The following LMNA variants were observed in gnomAD, a reference collection of about 807,000 sequenced individuals.
LMNA encodes the protein lamin A/C.
Under a neutral mutation model 70.4 loss-of-function variants are expected in LMNA, and 20 were observed. That is an observed-to-expected ratio of 0.28 (90% CI 0.20 to 0.41). The LOEUF (loss-of-function observed/expected upper bound fraction) is 0.41. Ranked by LOEUF, LMNA falls within the 10% of genes least tolerant of loss-of-function variation. LMNA has a pLI of 1.00. For missense variants in LMNA, 652 were observed against 917.2 expected, an observed-to-expected ratio of 0.71 and a Z score of 3.73; for synonymous variants, 339 against 372.8, an observed-to-expected ratio of 0.91 and a Z score of 1.04.
chr1:156,095,694 C>T (rs929539141), intron 3 of LMNA, among the ~76,000 whole-genome samples: 5 of 152,140 alleles, frequency 3.3e-5, no homozygotes, highest in Non-Finnish European at 4.4e-5. Flanking sequence ...TTGTACTAGG[C>T]CCTCTTCCAG....
intron 1 of LMNA, among the ~76,000 whole-genome samples, chr1:156,121,046 CTTTTTT>C (rs57371677): frequency 1.0e-5 from 1 of 100,404 alleles, no homozygotes; most frequent in African/African-American, 4.3e-5. Context: ...CAAATCCATT[CTTTTTT>C]TTTTTTTTTT....
At chr1:156,094,046 C>T (rs1479550263) in intron 3 of LMNA, among the ~76,000 whole-genome samples, 5 of 152,116 alleles carry the variant, frequency 3.3e-5, no homozygotes, top group African/African-American at 1.2e-4. Context: ...TGGGTTCCTC[C>T]ACTCTCCAGC....
chr1:156,121,046 C>CTTTTTTTTTTTTTTTTTTT (rs57371677), intron 1 of LMNA, among the ~76,000 whole-genome samples: 1 of 100,412 alleles, frequency 1.0e-5, no homozygotes. Flanking sequence ...CAAATCCATT[C>CTTTTTTTTTTTTTTTTTTT]TTTTTTTTTT....
At chr1:156,119,181 G>A (rs1407492699) in intron 1 of LMNA, among the ~76,000 whole-genome samples, 6 of 151,128 alleles carry the variant, frequency 4.0e-5, no homozygotes, top group Non-Finnish European at 8.8e-5. Flanking sequence ...GCAGTGGTGC[G>A]ATCTCGGCTC....
At chr1:156,114,324 C>G (rs897855140), upstream of LMNA, among the ~76,000 whole-genome samples, 20 of 152,260 alleles carry the variant, frequency 1.3e-4, no homozygotes, top group Admixed American at 9.8e-4. Context: ...GCCCTCCCCC[C>G]ACTTTCCTGG....
chr1:156,089,699 G>C (rs372300928), intron 2 of LMNA, among the ~76,000 whole-genome samples: 1 of 152,178 alleles, frequency 6.6e-6, no homozygotes, highest in South Asian at 2.1e-4. Context: ...TTGTGGATCT[G>C]ATCTCCAAGG....
At position 156,126,281 on chromosome 1, in the gene LMNA, C is replaced by T. The variant is rs1650569002; in HGVS notation, c.357-4336C>T. 4 of 1,289,352 alleles carry T rather than the reference C, an allele frequency of 3.1e-6. No individual in the cohort carries two copies. In the South Asian group the frequency reaches 4.3e-5, roughly 14 times the overall value. 79.9% of individuals were successfully genotyped at this position (1,289,352 alleles called of 1,614,324 possible). A position where few individuals can be genotyped will look rare whatever the true frequency, so the allele number is the denominator to read the frequency against. ...AGTCCCTGCAGGGCTGGGCCAGCTC[C>T]TCCACCTCCCCTTTGTCTTCCCCTC... On this transcript the variant is annotated intron_variant, in intron 1 of 11. Transcript: ENST00000368300.
intron 3 of LMNA, among the ~76,000 whole-genome samples, chr1:156,092,890 C>CTTTTTTTTT (rs568056544): frequency 7.4e-6 from 1 of 135,654 alleles, no homozygotes; most frequent in Admixed American, 7.5e-5. Flanking sequence ...TTCTTTTTTT[C>CTTTTTTTTT]TTTTTTTTTT....
At chr1:156,120,341 TGGAG>T (rs1317004821) in intron 1 of LMNA, among the ~76,000 whole-genome samples, 1 of 152,170 alleles carries the variant, frequency 6.6e-6, no homozygotes, top group African/African-American at 2.4e-5. Flanking sequence ...GGGGACAGGT[TGGAG>T]GGAGGATCTA....
rs1651763814 is a variant in LMNA, at chr1:156,137,522, A to T, written c.1609-132A>T. The T allele has an allele frequency of 5.5e-6, 5 of 902,126 alleles. No homozygotes were observed. The highest frequency in any genetic ancestry group is 4.0e-5 in the Admixed American group (2 of 50,166). The allele number at this position is 902,126 out of a possible 1,614,324, so 55.9% of individuals were successfully genotyped here. ...ATGAGTTCCTTAGCTCCATCACCAC[A>T]GAGGACAGAGTAAGCAGCAGGCCGG... On this transcript the variant is annotated intron_variant, in intron 9 of 11. Coordinates refer to ENST00000368300, the MANE Select transcript of LMNA (RefSeq NM_170707.4). This position sits in a 1 kb window ranked among gnomAD's most constrained non-coding sequence, Gnocchi z 4.6.
intron 1 of LMNA, among the ~76,000 whole-genome samples, chr1:156,120,386 G>C (rs1650103908): frequency 6.6e-6 from 1 of 152,220 alleles, no homozygotes; most frequent in Non-Finnish European, 1.5e-5. Context: ...TCAGGTAGCT[G>C]AGGCTCACTT....
intron 2 of LMNA, chr1:156,090,423 G>A (rs1470317007): frequency 6.6e-6 from 1 of 152,108 alleles, no homozygotes; most frequent in African/African-American, 2.4e-5. Flanking sequence ...GGGACTTGAC[G>A]TTTCCTGAGT....
In LMNA at chr1:156,096,515, C is replaced by T. The variant is rs115803224; in HGVS notation, c.-207+5933C>T. 5.0e-3 allele frequency among the ~76,000 whole-genome samples: 766 copies of T among 152,370 alleles called. 4 individuals are homozygous for T. The highest frequency in any genetic ancestry group is 0.018 in the African/African-American group (731 of 41,584). ...GGACTCAGCTTAATCATCCCTTCCT[C>T]AGGCAGGCCTGCCACACAACCGCAG... On this transcript the variant is annotated intron_variant, in intron 3 of 12. Coordinates refer to the LMNA transcript ENST00000368301.
chr1:156,106,936 C>T, intron 3 of LMNA: 1 of 152,124 alleles, frequency 6.6e-6, no homozygotes, highest in South Asian at 2.1e-4. Flanking sequence ...CCTGGGGAGA[C>T]TGTAGGATTT....
intron 2 of LMNA, among the ~76,000 whole-genome samples, chr1:156,131,443 A>G (rs1321194955): frequency 6.6e-6 from 1 of 151,988 alleles, no homozygotes; most frequent in Non-Finnish European, 1.5e-5. Flanking sequence ...TAAAGAAATT[A>G]GCTGGGCATG....
At chr1:156,089,421 G>A (rs1648606008) in intron 2 of LMNA, among the ~76,000 whole-genome samples, 1 of 151,498 alleles carries the variant, frequency 6.6e-6, no homozygotes, top group African/African-American at 2.4e-5. Context: ...TCAGCCTCCT[G>A]AGTACCTGGG....
chr1:156,137,570 A>T lies in LMNA; in HGVS notation c.1609-84A>T, dbSNP rs1013555280. ...CGGACAAAGGGCAGGCCACAAGAAA[A>T]GTTGCAGGTGGTCACTGGGGTAGAC... On this transcript the variant is annotated intron_variant, in intron 9 of 11. Coordinates refer to ENST00000368300, the MANE Select transcript of LMNA (RefSeq NM_170707.4). This position sits in a 1 kb window ranked among gnomAD's most constrained non-coding sequence, Gnocchi z 4.6. 1.3e-5 allele frequency: 16 copies of T among 1,252,354 alleles called. No individual in the cohort carries two copies. In the East Asian group the frequency reaches 3.3e-4, roughly 26 times the overall value. The allele number at this position is 1,252,354 out of a possible 1,614,324, so 77.6% of individuals were successfully genotyped here.
At chr1:156,131,319 G>C (rs1651045510) in intron 2 of LMNA, among the ~76,000 whole-genome samples, 1 of 152,144 alleles carries the variant, frequency 6.6e-6, no homozygotes, top group South Asian at 2.1e-4. Context: ...CATGTGTGGT[G>C]GCTCATGCCT....
intron 3 of LMNA, among the ~76,000 whole-genome samples, chr1:156,108,241 C>G (rs1000679005): frequency 6.6e-6 from 1 of 152,184 alleles, no homozygotes; most frequent in Non-Finnish European, 1.5e-5. Flanking sequence ...ATCACCTGCA[C>G]ATGAGTGACT....
Sources: gnomAD v4.1 joint callset for allele counts (sites outside exome capture counted in the v4.1 genomes callset) on GRCh38, gnomAD v4.1.1 for gene constraint, Gnocchi (gnomAD v3.1) non-coding constraint, MANE v1.5 for transcripts, NCBI Gene and HGNC (gene_info 2026-07-23, HGNC 2026-07-21) for gene names.